Variants in AKAP12 observed in about 807,000 individuals in gnomAD.
The protein encoded by AKAP12 is A-kinase anchor protein 12.
A neutral mutation model predicts 79.9 loss-of-function variants in AKAP12; 32 were observed. The ratio of observed to expected loss-of-function variants is 0.40; its 90% CI spans 0.30 to 0.54. The LOEUF is 0.54. AKAP12 is among the 20% of genes least tolerant of loss of function. AKAP12 has a pLI of 0.48. For synonymous variants in AKAP12, 808 were observed against 857.0 expected (o/e 0.94, Z 1.00); for missense variants, 2,074 against 2,177.0 (o/e 0.95, Z 0.94).
chr6:151,325,014 A>ACC (rs1374535918), intron 3 of AKAP12: 2 of 985,306 alleles, frequency 2.0e-6, no homozygotes, highest in Non-Finnish European at 2.4e-6. Context: ...TTAGAAAAAG[A>ACC]CCCCATGCTC....
At chr6:151,300,194 A>T (rs1466827568) in intron 2 of AKAP12, among the ~76,000 whole-genome samples, 1 of 152,180 alleles carries the variant, frequency 6.6e-6, no homozygotes, top group Non-Finnish European at 1.5e-5. Flanking sequence ...CGTGGGATTT[A>T]AAATTCCTTC....
rs748805861 is a variant in AKAP12 at position 151,349,258 on chromosome 6, C to A, written c.867C>A (p.Thr289=). 11 of 1,613,404 alleles carry A rather than the reference C, an allele frequency of 6.8e-6. No homozygotes were observed. Among genetic ancestry groups the A allele is most frequent in the Non-Finnish European group, 8.5e-6 (10 of 1,179,884 alleles). ...KSAESPTSPV[T]SETGSTFKKF... ...CAGAATCTCCGACTAGTCCCGTGAC[C>A]AGTGAAACAGGATCAACCTTCAAAA... is the stretch of plus-strand genomic sequence containing the variant. The change falls in exon 4 of 5, where the codon ACC becomes ACA. Residue 289 remains threonine, a synonymous_variant. Coordinates refer to ENST00000402676, the MANE Select transcript of AKAP12 (RefSeq NM_005100.4).
chr6:151,272,734 C>T (rs1222031307), intron 2 of AKAP12, among the ~76,000 whole-genome samples: 1 of 152,150 alleles, frequency 6.6e-6, no homozygotes, highest in Non-Finnish European at 1.5e-5. Flanking sequence ...CAGGGTTTTA[C>T]CATGCCAGGC....
chr6:151,263,728 G>C (rs1022587818), intron 2 of AKAP12, among the ~76,000 whole-genome samples: 1 of 152,136 alleles, frequency 6.6e-6, no homozygotes, highest in Admixed American at 6.6e-5. Flanking sequence ...ACAGGCATCC[G>C]CACCCACACC....
intron 3 of AKAP12, among the ~76,000 whole-genome samples, chr6:151,312,926 A>G (rs1436992971): frequency 6.6e-6 from 1 of 152,102 alleles, no homozygotes; most frequent in East Asian, 1.9e-4. Context: ...CTGGACCAGT[A>G]GCTGGAACAG....
intron 3 of AKAP12, among the ~76,000 whole-genome samples, chr6:151,319,443 GTCTA>G (rs59954289): frequency 0.25 from 35,273 of 140,018 alleles, 4,804 homozygotes; most frequent in Admixed American, 0.31. Context: ...ACAGGTGTCT[GTCTA>G]TCTATCTATC....
intron 3 of AKAP12, among the ~76,000 whole-genome samples, chr6:151,341,304 T>A (rs963745492): frequency 1.3e-5 from 2 of 152,230 alleles, no homozygotes; most frequent in Non-Finnish European, 1.5e-5. Flanking sequence ...TCCGCCCGCT[T>A]TGGCCTCCCA....
At chr6:151,244,530 A>G (rs188300510) in intron 2 of AKAP12, among the ~76,000 whole-genome samples, 107 of 151,908 alleles carry the variant, frequency 7.0e-4, no homozygotes, top group African/African-American at 2.1e-3. Context: ...TCTCAAAGAA[A>G]CAAACAAACA....
intron 2 of AKAP12, among the ~76,000 whole-genome samples, chr6:151,303,877 A>C (rs753629128): frequency 1.2e-4 from 18 of 152,110 alleles, no homozygotes; most frequent in Non-Finnish European, 2.4e-4. Context: ...CATGGCACCT[A>C]TCTTTATGTT....
chr6:151,324,150 G>A (rs755456556), intron 3 of AKAP12: 70 of 985,250 alleles, frequency 7.1e-5, no homozygotes, highest in Non-Finnish European at 8.3e-5. Flanking sequence ...AGCAATTTGT[G>A]AAATAGAGTT....
In AKAP12 at chr6:151,356,087, T is replaced by C. The variant is rs1778433027; in HGVS notation, c.*373T>C. On this transcript the variant is annotated 3_prime_UTR_variant, in exon 5 of 5. Coordinates refer to ENST00000402676, the MANE Select transcript of AKAP12 (RefSeq NM_005100.4). Reference sequence around the variant, plus strand: ...ATGTATGTTTTAAGTAGTCCTCCTGTATCTATTGTATATTTTTTTCTTAAT... The same window carrying C: ...ATGTATGTTTTAAGTAGTCCTCCTGCATCTATTGTATATTTTTTTCTTAAT... 1 of 152,664 alleles carries C rather than the reference T, an allele frequency of 6.6e-6. No individual in the cohort carries two copies. Among genetic ancestry groups the C allele is most frequent in the Non-Finnish European group, 1.5e-5 (1 of 68,050 alleles). The allele number at this position is 152,664 out of a possible 1,614,324, so 9.5% of individuals were successfully genotyped here. A position where few individuals can be genotyped will look rare whatever the true frequency, so the allele number is the denominator to read the frequency against.
At chr6:151,294,981 C>T (rs533943951) in intron 2 of AKAP12, among the ~76,000 whole-genome samples, 21 of 152,278 alleles carry the variant, frequency 1.4e-4, no homozygotes, top group African/African-American at 4.6e-4. Flanking sequence ...TCTTTAAATT[C>T]TAAGTAAATC....
At chr6:151,283,726 T>C (rs888120417) in intron 2 of AKAP12, among the ~76,000 whole-genome samples, 1 of 152,182 alleles carries the variant, frequency 6.6e-6, no homozygotes, top group Non-Finnish European at 1.5e-5. Context: ...GAATTCAGTA[T>C]AAAGACAGAA....
intron 3 of AKAP12, among the ~76,000 whole-genome samples, chr6:151,343,250 T>G (rs1299499545): frequency 6.6e-6 from 1 of 152,168 alleles, no homozygotes; most frequent in Non-Finnish European, 1.5e-5. Flanking sequence ...ACTCCTATAT[T>G]AGCAACATGT....
chr6:151,271,996 C>T (rs1776193299), intron 2 of AKAP12, among the ~76,000 whole-genome samples: 2 of 152,060 alleles, frequency 1.3e-5, no homozygotes, highest in Non-Finnish European at 2.9e-5. Flanking sequence ...AGATAGAGTT[C>T]GTATTCAAAC....
intron 3 of AKAP12, among the ~76,000 whole-genome samples, chr6:151,345,930 T>TGAGA (rs1419080142): frequency 2.8e-5 from 3 of 108,752 alleles, no homozygotes; most frequent in Admixed American, 9.1e-5. Context: ...TGTGTGTGTG[T>TGAGA]GTGAGAGAGA....
intron 3 of AKAP12, chr6:151,325,597 C>A (rs1777501911): frequency 7.4e-7 from 1 of 1,350,784 alleles, no homozygotes; most frequent in South Asian, 1.7e-5. Context: ...GGGCCAGCGC[C>A]AGCCCGCGTG....
Position 151,259,338 on chromosome 6 carries a change from G to A in AKAP12, c.162+18614G>A, listed in dbSNP as rs909599708. On this transcript the variant is annotated intron_variant, in intron 2 of 4. Coordinates refer to ENST00000402676, the MANE Select transcript of AKAP12 (RefSeq NM_005100.4). ...TGGGATTACAGGTGTGAGCCACGGC[G>A]CCCGGCCTATATTTTTTAAAATAAC... Among the ~76,000 whole-genome samples, 27 of 150,836 alleles carry A rather than the reference G, an allele frequency of 1.8e-4. 1 individual carries two copies. Among genetic ancestry groups the A allele is most frequent in the East Asian group, 7.8e-4 (4 of 5,102 alleles).
In AKAP12 at chr6:151,305,849, A is replaced by G. The variant is rs766210794; in HGVS notation, c.265A>G (p.Asn89Asp). ...GDLNGQKGAL[N>D]GQGALNSQEE... Reference sequence around the variant, plus strand: ...CCTAAATGGCCAGAAAGGAGCCCTGAACGGTCAAGGAGCCCTAAACAGCCA... The same window carrying G: ...CCTAAATGGCCAGAAAGGAGCCCTGGACGGTCAAGGAGCCCTAAACAGCCA... The change falls in exon 3 of 5, where the codon AAC becomes GAC. Residue 89 changes from asparagine (N) to aspartate (D), a missense_variant. By Grantham distance (23) the Asn-to-Asp change is conservative (BLOSUM62 1). Coordinates refer to ENST00000402676, the MANE Select transcript of AKAP12 (RefSeq NM_005100.4). The G allele has an allele frequency of 9.3e-6, 15 of 1,613,962 alleles. No individual in the cohort carries two copies. Among genetic ancestry groups the G allele is most frequent in the Non-Finnish European group, 1.3e-5 (15 of 1,179,930 alleles).
Sources: gnomAD v4.1 joint callset for allele counts (sites outside exome capture counted in the v4.1 genomes callset) on GRCh38, gnomAD v4.1.1 for gene constraint, MANE v1.5 for transcripts, NCBI Gene and HGNC (gene_info 2026-07-23, HGNC 2026-07-21) for gene names.